Variants in BPTF observed in about 807,000 individuals in gnomAD.
The protein encoded by BPTF is bromodomain PHD finger transcription factor, also known as nucleosome-remodeling factor subunit BPTF.
In BPTF, 18 loss-of-function variants were observed where a neutral mutation model predicts 292.5. The observed-to-expected ratio is 0.06, with a 90% CI of 0.04 to 0.09. The LOEUF (loss-of-function observed/expected upper bound fraction) is 0.09. BPTF is among the 10% of genes least tolerant of loss of function. BPTF has a pLI of 1.00. For synonymous variants in BPTF, 1,225 were observed against 1,251.9 expected, an observed-to-expected ratio of 0.98 and a Z score of 0.45; for missense variants, 2,726 against 3,498.7, an observed-to-expected ratio of 0.78 and a Z score of 5.57.
In BPTF at chr17:67,922,762, T is replaced by C. The variant is rs914366721; in HGVS notation, c.5558-78T>C. The C allele has an allele frequency of 1.3e-5, 20 of 1,483,590 alleles. No homozygotes were observed. In the African/African-American group the frequency reaches 1.4e-4, roughly 11 times the overall value. 91.9% of individuals were successfully genotyped at this position (1,483,590 alleles called of 1,614,324 possible). Reference sequence around the variant, plus strand: ...TATTTAAGAAGTTTGCCAACCACTTTTTCATGATAGAAGATGCCAGAAGTA... The same window carrying C: ...TATTTAAGAAGTTTGCCAACCACTTCTTCATGATAGAAGATGCCAGAAGTA... On this transcript the variant is annotated intron_variant, in intron 13 of 27. Coordinates refer to ENST00000306378, the MANE Select transcript of BPTF (RefSeq NM_182641.4).
chr17:67,963,849 A>G lies in BPTF; in HGVS notation c.8262-363A>G, dbSNP rs531993441. On this transcript the variant is annotated intron_variant, in intron 24 of 27. Coordinates refer to ENST00000306378, the MANE Select transcript of BPTF (RefSeq NM_182641.4). The stretch of plus-strand genomic sequence containing the variant: ...TTTATTGTAGGTTAGAAAAACACTA[A>G]TTTGGGTACAAGCTCTGAGACTCTG... 5.3e-5 allele frequency among the ~76,000 whole-genome samples: 8 copies of G among 152,310 alleles called. No individual in the cohort carries two copies. The East Asian group carries it at 1.4e-3, about 26-fold the overall frequency.
intron 3 of BPTF, among the ~76,000 whole-genome samples, chr17:67,873,435 G>A (rs1041106276): frequency 3.3e-5 from 5 of 149,552 alleles, no homozygotes; most frequent in African/African-American, 1.2e-4. Context: ...TCCTGCCTGG[G>A]TGACAAGAGC....
intron 14 of BPTF, among the ~76,000 whole-genome samples, chr17:67,923,423 A>AT (rs1031960562): frequency 7.7e-6 from 1 of 130,278 alleles, no homozygotes; most frequent in African/African-American, 2.8e-5. Flanking sequence ...TCCACCTTTG[A>AT]TTTTAAGTGC....
intron 1 of BPTF, among the ~76,000 whole-genome samples, chr17:67,830,149 T>C (rs2056534331): frequency 6.6e-6 from 1 of 152,248 alleles, no homozygotes; most frequent in Non-Finnish European, 1.5e-5. Flanking sequence ...TCAATAGGCA[T>C]TTGGTAAGGT....
At chr17:67,960,233 T>A (rs2067345815) in intron 24 of BPTF, 1 of 182,764 alleles carries the variant, frequency 5.5e-6, no homozygotes, top group Admixed American at 5.6e-5. Flanking sequence ...CTTTCTGGGA[T>A]CTGTTCAAAG....
intron 24 of BPTF, among the ~76,000 whole-genome samples, chr17:67,962,983 G>A (rs1436760136): frequency 6.6e-6 from 1 of 152,112 alleles, no homozygotes; most frequent in Non-Finnish European, 1.5e-5. Flanking sequence ...TTGATTCTTT[G>A]GCTTTGGTTT....
In BPTF at chr17:67,825,867, G is replaced by A. The variant is rs1598048840; in HGVS notation, c.143G>A (p.Arg48Gln). 4.9e-6 allele frequency: 5 copies of A among 1,013,892 alleles called. No homozygotes were observed. Among genetic ancestry groups the A allele is most frequent in the Admixed American group, 5.9e-5 (1 of 17,022 alleles). The allele number at this position is 1,013,892 out of a possible 1,614,324, so 62.8% of individuals were successfully genotyped here. The change falls in exon 1 of 28, where the codon CGG becomes CAG. Residue 48 changes from arginine (R) to glutamine (Q), a missense_variant. By Grantham distance (43) the Arg-to-Gln change is conservative. This residue lies in a region of BPTF where 103 missense variants were observed against 72.1 expected (regional missense o/e 1.43). Coordinates refer to ENST00000306378, the MANE Select transcript of BPTF (RefSeq NM_182641.4). ...CGCTCGCGGCACCGCGGCAGCAGCC[G>A]GGGCAGGTGGGCCGCCGCCCAGGCT... ...GLRSRHRGSS[R>Q]GRWAAAQAEV...
intron 4 of BPTF, among the ~76,000 whole-genome samples, chr17:67,879,030 C>T (rs1272231571): frequency 1.3e-5 from 1 of 76,104 alleles, no homozygotes; most frequent in Non-Finnish European, 2.3e-5. Flanking sequence ...TAATGTCAGT[C>T]TTTAGTATCA....
intron 27 of BPTF, among the ~76,000 whole-genome samples, chr17:67,979,965 T>C (rs2070134092): frequency 6.6e-6 from 1 of 151,918 alleles, no homozygotes; most frequent in Admixed American, 6.6e-5. Context: ...CACTTGAACC[T>C]TGGAGGCGGA....
At chr17:67,928,313 A>G in intron 15 of BPTF, 42 bp from the exon 16 acceptor site, 1 of 1,552,430 alleles carries the variant, frequency 6.4e-7, no homozygotes, top group Non-Finnish European at 8.7e-7. Flanking sequence ...GTTTTTATTT[A>G]GAACTATTTT....
rs1336571008 is a variant in BPTF at position 67,866,692 on chromosome 17, GA to G, written c.1660+6del. The G allele has an allele frequency of 1.2e-6, 2 of 1,604,950 alleles. No homozygotes were observed. Among genetic ancestry groups the G allele is most frequent in the Admixed American group, 1.7e-5 (1 of 59,342 alleles). On this transcript the variant is annotated splice_donor_region_variant and intron_variant, in intron 3 of 27. Transcript: ENST00000306378. ...CCTTTCTGGCGGCAGCTAATGGTGA[GA>G]GGGGCATTTTCTCATTTTATTTTTG...
Position 67,946,979 on chromosome 17 carries a change from T to G in BPTF, c.7617+654T>G, listed in dbSNP as rs928023106. Among the ~76,000 whole-genome samples the G allele has an allele frequency of 3.9e-5, 6 of 152,220 alleles. No homozygotes were observed. The South Asian group carries it at 8.3e-4, about 21-fold the overall frequency. On this transcript the variant is annotated intron_variant, in intron 21 of 27. Transcript: ENST00000306378. Reference sequence around the variant, plus strand: ...CTTCGCTCAGCACTAGGCAGGAGTTTGAATGTGGATTTTAAGTGTTACCAA... The same window carrying G: ...CTTCGCTCAGCACTAGGCAGGAGTTGGAATGTGGATTTTAAGTGTTACCAA...
chr17:67,849,867 G>T (rs2058282398), intron 1 of BPTF, among the ~76,000 whole-genome samples: 1 of 152,126 alleles, frequency 6.6e-6, no homozygotes, highest in Admixed American at 6.5e-5. Context: ...CTTGAACCTA[G>T]GTGACAGACG....
rs563889836 is a variant in BPTF, at chr17:67,916,182, A to G, written c.5304-2532A>G. On this transcript the variant is annotated intron_variant, in intron 11 of 27. Coordinates refer to ENST00000306378, the MANE Select transcript of BPTF (RefSeq NM_182641.4). ...TCCAGGTCAGAGGATTCATAGTGCG[A>G]TAACACAGTGGAGAAAGTAATGGTG... Among the ~76,000 whole-genome samples, 22 of 152,330 alleles carry G rather than the reference A, an allele frequency of 1.4e-4. No homozygotes were observed. The South Asian group carries it at 4.6e-3, about 32-fold the overall frequency.
intron 18 of BPTF, among the ~76,000 whole-genome samples, chr17:67,938,972 C>T (rs1355544178): frequency 6.6e-6 from 1 of 152,140 alleles, no homozygotes; most frequent in African/African-American, 2.4e-5. Context: ...ATACTATTTG[C>T]AGTTGCCTGA....
At chr17:67,944,695 C>T (rs985377627) in intron 20 of BPTF, 25 of 340,828 alleles carry the variant, frequency 7.3e-5, no homozygotes, top group South Asian at 6.6e-4. Context: ...GAGGTGATCT[C>T]AGGGAGGGTG....
chr17:67,979,462 T>C (rs563979062), intron 27 of BPTF, among the ~76,000 whole-genome samples: 8 of 151,718 alleles, frequency 5.3e-5, no homozygotes, highest in Non-Finnish European at 1.2e-4. Flanking sequence ...CAGAATCACT[T>C]GAACCTGGGA....
At chr17:67,865,086 A>G (rs4791045) in intron 2 of BPTF, among the ~76,000 whole-genome samples, 152,276 of 152,276 alleles carry the variant, frequency 1, 76,138 homozygotes, top group Non-Finnish European at 1. Flanking sequence ...GATTACAGGT[A>G]TGAGCCACTG....
At chr17:67,844,275 T>C (rs1032761398) in intron 1 of BPTF, among the ~76,000 whole-genome samples, 2 of 145,608 alleles carry the variant, frequency 1.4e-5, no homozygotes, top group African/African-American at 5.1e-5. Flanking sequence ...TGAGACGGAG[T>C]CTAGCTCTGT....
Sources: allele counts gnomAD v4.1 joint callset (sites outside exome capture counted in the v4.1 genomes callset), GRCh38; gene constraint gnomAD v4.1.1; regional missense constraint gnomAD v4.1.1; transcripts MANE v1.5; gene names NCBI Gene and HGNC (gene_info 2026-07-23, HGNC 2026-07-21).